Variants in USP9Y observed in about 807,000 individuals in gnomAD.
USP9Y encodes the protein ubiquitin carboxyl-terminal hydrolase 9Y.
In USP9Y, 41 loss-of-function variants were observed where a neutral mutation model predicts 53.1. The ratio of observed to expected loss-of-function variants is 0.77; its 90% CI spans 0.60 to 1.00. The LOEUF is 1.00. USP9Y is among the 50% of genes least tolerant of loss of function. USP9Y has a pLI of 0.00. For synonymous variants in USP9Y, 220 were observed against 173.7 expected (o/e 1.27, Z -2.09); for missense variants, 567 against 535.8 (o/e 1.06, Z -0.58).
rs748124955 is a variant in USP9Y, at chrY:12,812,856, C to T, written c.4413C>T (p.Pro1471=). 7.6e-6 allele frequency: 3 copies of T among 394,022 alleles called. No individual in the cohort carries two copies. Among genetic ancestry groups the T allele is most frequent in the East Asian group, 9.3e-5 (1 of 10,769 alleles). The change falls in exon 31 of 46, where the codon CCC becomes CCT. Residue 1471 remains proline (P), a synonymous_variant. Coordinates refer to ENST00000338981, the MANE Select transcript of USP9Y (RefSeq NM_004654.4). ...IKELIDDFIF[P]ASKVYLQYLR... is the part of the protein sequence containing the mutation. ...AATTAATTGATGATTTCATCTTTCCCGCATCCAAAGTTTACCTGCAGTATT... is the reference window on the plus strand; with the variant it reads ...AATTAATTGATGATTTCATCTTTCCTGCATCCAAAGTTTACCTGCAGTATT...
chrY:12,813,088 T>C (rs753544607), intron 31 of USP9Y, 36 bp downstream of exon 31: 1 of 326,026 alleles, frequency 3.1e-6, no homozygotes, highest in Non-Finnish European at 4.5e-6. Context: ...TTTTGTTCAT[T>C]AATAATACTT....
intron 35 of USP9Y, among the ~76,000 whole-genome samples, chrY:12,839,282 T>A (rs2053558197): frequency 3.0e-5 from 1 of 33,695 alleles, no homozygotes; most frequent in Non-Finnish European, 7.4e-5. Context: ...AGTGGCCATA[T>A]GGAACTACAT....
chrY:12,824,923 T>G, intron 33 of USP9Y, among the ~76,000 whole-genome samples: 3 of 31,997 alleles, frequency 9.4e-5, no homozygotes, highest in African/African-American at 3.7e-4. Flanking sequence ...TTTGTTGGTT[T>G]GTTTGTTTGT....
chrY:12,799,969 G>GT (rs2053517389), intron 27 of USP9Y, among the ~76,000 whole-genome samples: 2 of 33,292 alleles, frequency 6.0e-5, no homozygotes, highest in Non-Finnish European at 7.4e-5. Flanking sequence ...TCTGGTCTGT[G>GT]TTTGTTCTGG....
At chrY:12,764,761 A>T in intron 15 of USP9Y, among the ~76,000 whole-genome samples, 1 of 33,913 alleles carries the variant, frequency 2.9e-5, no homozygotes, top group African/African-American at 1.1e-4. Flanking sequence ...AAAAGAAAGC[A>T]TAAAGTGATG....
intron 17 of USP9Y, 146 bp downstream of exon 17, chrY:12,774,071 T>C: frequency 6.5e-6 from 1 of 152,707 alleles, no homozygotes; most frequent in South Asian, 5.3e-5. Context: ...TGTGCAAGGA[T>C]AATTGCTCTT....
intron 17 of USP9Y, among the ~76,000 whole-genome samples, chrY:12,774,258 G>A (rs2053489917): frequency 3.1e-5 from 1 of 32,157 alleles, no homozygotes; most frequent in African/African-American, 1.2e-4. Context: ...GTCAGGAGAC[G>A]GAGACCATCC....
At chrY:12,763,918 C>T (rs2053478064) in intron 15 of USP9Y, among the ~76,000 whole-genome samples, 1 of 31,693 alleles carries the variant, frequency 3.2e-5, no homozygotes, top group Non-Finnish European at 7.6e-5. Flanking sequence ...AGTAATCTGC[C>T]TGCCTTGGCC....
At chrY:12,842,648 G>T (rs754440053) in intron 38 of USP9Y, among the ~76,000 whole-genome samples, 183 bp downstream of exon 38, 11 of 32,538 alleles carry the variant, frequency 3.4e-4, no homozygotes, top group Non-Finnish European at 8.3e-4. Flanking sequence ...GTGATTGCTG[G>T]GCATTCTGAA....
At chrY:12,752,418 A>G (rs2053464926) in intron 12 of USP9Y, among the ~76,000 whole-genome samples, 1 of 32,947 alleles carries the variant, frequency 3.0e-5, no homozygotes, top group Non-Finnish European at 7.4e-5. Flanking sequence ...TGATTTTTAT[A>G]TGTATATTCC....
chrY:12,710,567 T>C (rs2148279006), intron 3 of USP9Y, among the ~76,000 whole-genome samples: 1 of 33,037 alleles, frequency 3.0e-5, no homozygotes, highest in East Asian at 7.9e-4. Context: ...TTTATGTTTA[T>C]GATATATTGG....
intron 27 of USP9Y, among the ~76,000 whole-genome samples, chrY:12,800,404 G>A: frequency 8.9e-5 from 3 of 33,673 alleles, no homozygotes; most frequent in Non-Finnish European, 2.2e-4. Flanking sequence ...GGGATGCTCA[G>A]CCCCACGGGG....
intron 24 of USP9Y, among the ~76,000 whole-genome samples, chrY:12,789,024 G>A: frequency 6.1e-5 from 2 of 33,024 alleles, no homozygotes; most frequent in Admixed American, 2.7e-4. Flanking sequence ...CCGGCCAGCT[G>A]AAATTTTTAA....
chrY:12,854,101 C>G, intron 42 of USP9Y, among the ~76,000 whole-genome samples: 1 of 33,047 alleles, frequency 3.0e-5, no homozygotes, highest in African/African-American at 1.2e-4. Flanking sequence ...AGAAACACAC[C>G]TATTAGACAT....
intron 27 of USP9Y, chrY:12,803,896 C>G: frequency 2.9e-5 from 1 of 34,213 alleles, no homozygotes; most frequent in Non-Finnish European, 7.3e-5. Context: ...CAGTTGTGTC[C>G]CCACATAGCC....
intron 18 of USP9Y, 114 bp downstream of exon 18, chrY:12,775,680 T>A: frequency 5.8e-6 from 1 of 172,246 alleles, no homozygotes; most frequent in Admixed American, 9.9e-5. Flanking sequence ...TCAAAAATAT[T>A]TTTTCAGTGT....
At chrY:12,762,234 C>G (rs753999626) in intron 15 of USP9Y, among the ~76,000 whole-genome samples, 2 of 33,453 alleles carry the variant, frequency 6.0e-5, no homozygotes, top group South Asian at 1.4e-3. Flanking sequence ...TACAAAGGCT[C>G]TCCCAGATGC....
intron 14 of USP9Y, among the ~76,000 whole-genome samples, chrY:12,759,702 A>C: frequency 6.1e-5 from 2 of 32,728 alleles, no homozygotes; most frequent in African/African-American, 2.4e-4. Context: ...TGTCTCAAAA[A>C]AAAAAAAAGA....
chrY:12,776,526 A>G, intron 18 of USP9Y, 123 bp from the exon 19 acceptor site: 1 of 174,363 alleles, frequency 5.7e-6, no homozygotes, highest in Middle Eastern at 1.4e-3. Context: ...GTGTTTTACT[A>G]CTGGGTAAAT....
Sources: allele counts gnomAD v4.1 joint callset (sites outside exome capture counted in the v4.1 genomes callset), GRCh38; gene constraint gnomAD v4.1.1; transcripts MANE v1.5; gene names NCBI Gene and HGNC (gene_info 2026-07-23, HGNC 2026-07-21).